LTBP1: variants seen among roughly 807,000 people sequenced by gnomAD.
LTBP1 encodes latent-transforming growth factor beta-binding protein 1.
Under a neutral mutation model 207.6 loss-of-function variants are expected in LTBP1, and 129 were observed. The observed-to-expected ratio is 0.62, with a 90% CI of 0.54 to 0.72. The LOEUF (loss-of-function observed/expected upper bound fraction) is 0.72, where lower values mean the gene tolerates loss of function less well. Ranked by LOEUF, LTBP1 falls within the 30% of genes least tolerant of loss-of-function variation. LTBP1 has a pLI of 0.00. For synonymous variants in LTBP1, 963 were observed against 833.7 expected, an observed-to-expected ratio of 1.16 and a Z score of -2.67; for missense variants, 2,281 against 2,217.2, an observed-to-expected ratio of 1.03 and a Z score of -0.58.
chr2:33,028,872 C>T (rs972352550), intron 3 of LTBP1, among the ~76,000 whole-genome samples: 14 of 152,242 alleles, frequency 9.2e-5, no homozygotes, highest in African/African-American at 3.1e-4. Context: ...AAAAGGCTGA[C>T]GGCAAAGCCC....
chr2:33,248,975 C>T (rs2092595178), intron 10 of LTBP1, among the ~76,000 whole-genome samples: 1 of 152,140 alleles, frequency 6.6e-6, no homozygotes, highest in Admixed American at 6.5e-5. Context: ...CTCAAAGCAG[C>T]TTTACCTGCT....
intron 22 of LTBP1, among the ~76,000 whole-genome samples, chr2:33,303,234 CT>C (rs2094021761): frequency 6.6e-6 from 1 of 151,944 alleles, no homozygotes; most frequent in African/African-American, 2.4e-5. Context: ...TGGTCCCCAA[CT>C]TTTTTGGCAC....
At chr2:33,118,966 A>G (rs907588085) in intron 4 of LTBP1, among the ~76,000 whole-genome samples, 2 of 152,210 alleles carry the variant, frequency 1.3e-5, no homozygotes, top group South Asian at 4.1e-4. Flanking sequence ...TGAAAACAGC[A>G]AAGAAGAAAA....
At chr2:33,128,668 C>T (rs1337485039) in intron 4 of LTBP1, among the ~76,000 whole-genome samples, 6 of 152,192 alleles carry the variant, frequency 3.9e-5, no homozygotes, top group Non-Finnish European at 7.3e-5. Context: ...CTCTCTAGTT[C>T]CCAAAAACCC....
chr2:33,096,104 A>G (rs971269255), intron 3 of LTBP1, among the ~76,000 whole-genome samples: 3 of 152,164 alleles, frequency 2.0e-5, no homozygotes, highest in Admixed American at 2.0e-4. Flanking sequence ...CTGAAAACCA[A>G]AGATAAAGGA....
chr2:33,272,169 G>T (rs1160998004), intron 15 of LTBP1, among the ~76,000 whole-genome samples: 1 of 152,192 alleles, frequency 6.6e-6, no homozygotes, highest in African/African-American at 2.4e-5. Flanking sequence ...GAAGCATGTG[G>T]TTTTGGTTTC....
intron 24 of LTBP1, among the ~76,000 whole-genome samples, chr2:33,328,954 G>C (rs918942357): frequency 1.3e-5 from 2 of 152,096 alleles, no homozygotes; most frequent in African/African-American, 4.8e-5. Context: ...CTTCCTATGT[G>C]AGGCTGTTGT....
intron 22 of LTBP1, among the ~76,000 whole-genome samples, chr2:33,308,047 A>G (rs1241598938): frequency 6.6e-6 from 1 of 152,258 alleles, no homozygotes; most frequent in Non-Finnish European, 1.5e-5. Flanking sequence ...AATTACAATT[A>G]TTTGCAAGAA....
In LTBP1 at chr2:33,352,574, C is replaced by T. The variant is rs190982833; in HGVS notation, c.4000+5064C>T. 3.4e-3 allele frequency among the ~76,000 whole-genome samples: 521 copies of T among 152,314 alleles called. 3 individuals are homozygous for T. Among genetic ancestry groups the T allele is most frequent in the African/African-American group, 0.012 (499 of 41,552 alleles). On this transcript the variant is annotated intron_variant, in intron 26 of 33. Transcript: ENST00000404816. ...GTGTCCTTCAAATCTCTCCCTGTTG[C>T]GGATGCTACTTCCCTGGGTCAGTCT...
intron 4 of LTBP1, among the ~76,000 whole-genome samples, chr2:33,133,515 C>T (rs777869414): frequency 6.6e-5 from 10 of 152,148 alleles, no homozygotes; most frequent in Non-Finnish European, 1.0e-4. Flanking sequence ...AGGGGCCTAT[C>T]GCAGATGTAG....
At chr2:33,193,230 C>T (rs2088116898) in intron 7 of LTBP1, among the ~76,000 whole-genome samples, 1 of 152,166 alleles carries the variant, frequency 6.6e-6, no homozygotes, top group African/African-American at 2.4e-5. Context: ...CAACCTCTGC[C>T]TCCCTGGTTC....
In LTBP1 at chr2:33,306,042, GTGGT is replaced by G. The variant is rs377468117; in HGVS notation, c.3482-3391_3482-3388del. Among the ~76,000 whole-genome samples, 329 of 152,196 alleles carry G rather than the reference GTGGT, an allele frequency of 2.2e-3. 2 individuals are homozygous for G. Among genetic ancestry groups the G allele is most frequent in the African/African-American group, 7.3e-3 (302 of 41,524 alleles). On this transcript the variant is annotated intron_variant, in intron 22 of 33. Transcript: ENST00000404816. ...AATATATATTTTCGCACTACCCCAG[GTGGT>G]GGTACGAAATAGTACCATGTTGTGC...
chr2:33,176,574 T>C (rs2086081776), intron 5 of LTBP1, among the ~76,000 whole-genome samples: 1 of 152,136 alleles, frequency 6.6e-6, no homozygotes. Flanking sequence ...ACGTTATTGA[T>C]TGACATATTC....
chr2:33,229,709 C>T (rs549648094), intron 9 of LTBP1, among the ~76,000 whole-genome samples: 42 of 152,238 alleles, frequency 2.8e-4, no homozygotes, highest in African/African-American at 9.4e-4. Context: ...TCTGTCGGTA[C>T]GGCTGACTGA....
chr2:33,240,813 G>T (rs1168819579), intron 9 of LTBP1, among the ~76,000 whole-genome samples: 1 of 151,904 alleles, frequency 6.6e-6, no homozygotes, highest in Non-Finnish European at 1.5e-5. Context: ...ACCACGCCTG[G>T]CTAACTTTTT....
At chr2:33,003,629 G>A (rs1686360888) in intron 2 of LTBP1, among the ~76,000 whole-genome samples, 1 of 152,172 alleles carries the variant, frequency 6.6e-6, no homozygotes, top group African/African-American at 2.4e-5. Flanking sequence ...GTCACAGGCA[G>A]GGTGGTAGAG....
At chr2:32,957,197 G>C (rs1225985469) in intron 2 of LTBP1, among the ~76,000 whole-genome samples, 1 of 152,232 alleles carries the variant, frequency 6.6e-6, no homozygotes, top group Non-Finnish European at 1.5e-5. Flanking sequence ...CCCATCCTTT[G>C]AAACATTGAG....
chr2:33,089,178 AAAG>A (rs1242389244), intron 3 of LTBP1, among the ~76,000 whole-genome samples: 1 of 151,496 alleles, frequency 6.6e-6, no homozygotes, highest in Non-Finnish European at 1.5e-5. Context: ...AAAAAGAAAA[AAAG>A]AAAAAGAAAA....
At chr2:33,141,852 G>T (rs780240002) in intron 5 of LTBP1, among the ~76,000 whole-genome samples, 1 of 152,112 alleles carries the variant, frequency 6.6e-6, no homozygotes, top group Middle Eastern at 3.4e-3. Context: ...TGGGTTCATC[G>T]ACCTGCTTTG....
Sources: allele counts gnomAD v4.1 joint callset (sites outside exome capture counted in the v4.1 genomes callset), GRCh38; gene constraint gnomAD v4.1.1; transcripts MANE v1.5; gene names NCBI Gene and HGNC (gene_info 2026-07-23, HGNC 2026-07-21).